The following DENND2A variants were observed in gnomAD, a reference collection of about 807,000 sequenced individuals.
The protein encoded by DENND2A is DENN domain-containing protein 2A.
Under a neutral mutation model 105.3 loss-of-function variants are expected in DENND2A, and 53 were observed. The observed-to-expected ratio is 0.50, with a 90% CI of 0.40 to 0.63. The LOEUF is 0.63. Among genes scored for constraint, DENND2A ranks in the 30% least tolerant of loss-of-function variants. The probability of loss-of-function intolerance (pLI) is 0.00; values close to 1 mark genes in which losing one functional copy is unlikely to be tolerated. For missense variants in DENND2A, 1,138 were observed against 1,279.6 expected (o/e 0.89, Z 1.69); for synonymous variants, 522 against 508.4 (o/e 1.03, Z -0.36).
chr7:140,570,401 CCAAAA>C (rs1247127826), intron 6 of DENND2A, among the ~76,000 whole-genome samples: 3 of 152,098 alleles, frequency 2.0e-5, no homozygotes, highest in East Asian at 1.9e-4. Context: ...GCTTTTCCTC[CCAAAA>C]CAAAACAAGA....
rs1367635593 is a variant in DENND2A, at chr7:140,559,775, GT to G, written c.1821del (p.Gln607HisfsTer2). The G allele has an allele frequency of 6.2e-7, 1 of 1,614,178 alleles. No homozygotes were observed. Among genetic ancestry groups the G allele is most frequent in the Non-Finnish European group, 8.5e-7 (1 of 1,180,028 alleles). On this transcript the variant is annotated frameshift_variant, in exon 10 of 20. Coordinates refer to ENST00000496613, the MANE Select transcript of DENND2A (RefSeq NM_015689.5). LOFTEE classifies it high-confidence loss of function. The surrounding 1 kb of genome is among the most constrained non-coding windows in gnomAD (Gnocchi z 4.1). ...SFKFMREAEDQLKAIPQFCFP... is the reference protein window; with the variant it reads ...SFKFMREAEDXLKAIPQFCFP... ...AAACAGAACTGGGGAATGGCCTTCA[GT>G]TGGTCCTCAGCTTCTCTCATGAACT...
At chr7:140,537,836 C>T (rs563445809) in intron 14 of DENND2A, among the ~76,000 whole-genome samples, 12 of 152,284 alleles carry the variant, frequency 7.9e-5, no homozygotes, top group Admixed American at 7.2e-4. Flanking sequence ...TATTTGTTTA[C>T]GTGCAGCTCT....
At chr7:140,536,509 A>G (rs904010291) in intron 14 of DENND2A, among the ~76,000 whole-genome samples, 1 of 152,190 alleles carries the variant, frequency 6.6e-6, no homozygotes, top group African/African-American at 2.4e-5. Flanking sequence ...TTCCAGCCCC[A>G]GGATATGTCA....
intron 14 of DENND2A, among the ~76,000 whole-genome samples, chr7:140,541,781 C>T (rs1209310626): frequency 1.3e-5 from 2 of 152,140 alleles, no homozygotes; most frequent in African/African-American, 2.4e-5. Context: ...AGTACGATCA[C>T]GCTGACATTT....
chr7:140,626,116 G>C (rs1366673126), intron 1 of DENND2A, among the ~76,000 whole-genome samples: 1 of 152,240 alleles, frequency 6.6e-6, no homozygotes, highest in Non-Finnish European at 1.5e-5. Flanking sequence ...CCAGGGTCCA[G>C]GTGCCTAACG....
chr7:140,605,395 A>G (rs554208808), intron 2 of DENND2A, among the ~76,000 whole-genome samples: 2 of 152,234 alleles, frequency 1.3e-5, no homozygotes, highest in Non-Finnish European at 2.9e-5. Flanking sequence ...GGGCTCAAAC[A>G]TAAGTAAAAT....
In DENND2A at chr7:140,525,849, G is replaced by A. The variant is rs75270012; in HGVS notation, c.2506-57C>T. 4.3e-4 allele frequency: 625 copies of A among 1,464,366 alleles called. 2 individuals are homozygous for A. In the African/African-American group the frequency reaches 8.1e-3, roughly 19 times the overall value. The allele number at this position is 1,464,366 out of a possible 1,614,324, so 90.7% of individuals were successfully genotyped here. On this transcript the variant is annotated intron_variant, in intron 15 of 19. Coordinates refer to ENST00000496613, the MANE Select transcript of DENND2A (RefSeq NM_015689.5). ...TCACCAGGGCTTCTGGGATAGGGAT[G>A]GACTCATAGCCTTCTTCCTTCTTGG...
At chr7:140,578,074 TA>T (rs1344878808) in intron 5 of DENND2A, among the ~76,000 whole-genome samples, 4 of 152,134 alleles carry the variant, frequency 2.6e-5, no homozygotes, top group Admixed American at 1.3e-4. Flanking sequence ...CAGACACCCC[TA>T]ATTGTATAGA....
chr7:140,641,088 A>C (rs1801188448), upstream of DENND2A, among the ~76,000 whole-genome samples: 1 of 151,960 alleles, frequency 6.6e-6, no homozygotes, highest in Non-Finnish European at 1.5e-5. Flanking sequence ...CCTGAGGCTT[A>C]GACCTGGACG....
At chr7:140,586,518 C>T (rs1012417190) in intron 4 of DENND2A, among the ~76,000 whole-genome samples, 7 of 151,514 alleles carry the variant, frequency 4.6e-5, no homozygotes, top group African/African-American at 1.5e-4. Context: ...GAGACTGTGC[C>T]GTTGAACTCC....
At chr7:140,631,973 T>G (rs1182890502) in intron 1 of DENND2A, among the ~76,000 whole-genome samples, 1 of 152,116 alleles carries the variant, frequency 6.6e-6, no homozygotes, top group Admixed American at 6.5e-5. Context: ...TGTCTTAGGC[T>G]GTCCTGTCAT....
chr7:140,558,328 G>C, intron 10 of DENND2A, 116 bp from the exon 11 acceptor site: 1 of 718,904 alleles, frequency 1.4e-6, no homozygotes, highest in Non-Finnish European at 2.4e-6. Context: ...GGAGGCTGTA[G>C]GAAAGGCCAC....
intron 14 of DENND2A, among the ~76,000 whole-genome samples, chr7:140,542,855 C>T (rs573733648): frequency 2.0e-5 from 3 of 152,166 alleles, no homozygotes; most frequent in East Asian, 3.9e-4. Flanking sequence ...CATGAGCCAC[C>T]GCGCCTGGCC....
intron 6 of DENND2A, among the ~76,000 whole-genome samples, chr7:140,572,035 G>A (rs940092123): frequency 9.2e-5 from 14 of 151,396 alleles, no homozygotes; most frequent in African/African-American, 3.2e-4. Flanking sequence ...GCAGCATCTC[G>A]CTCTGTCACT....
At chr7:140,519,603 G>A (rs908788988) in intron 19 of DENND2A, 29 bp downstream of exon 19, 2 of 1,603,826 alleles carry the variant, frequency 1.2e-6, no homozygotes, top group African/African-American at 2.7e-5. Context: ...GAGGCACACA[G>A]GCTGGGCACC....
At chr7:140,607,906 C>T (rs1799751678) in intron 1 of DENND2A, among the ~76,000 whole-genome samples, 2 of 152,112 alleles carry the variant, frequency 1.3e-5, no homozygotes, top group Non-Finnish European at 2.9e-5. Flanking sequence ...CAGGATGCAC[C>T]GAAGGACTCA....
At chr7:140,555,551 G>A (rs1797326331) in intron 12 of DENND2A, 85 bp downstream of exon 12, 1 of 1,143,138 alleles carries the variant, frequency 8.7e-7, no homozygotes, top group Non-Finnish European at 1.3e-6. Flanking sequence ...ATGATAGAAG[G>A]CCCAGGACAT....
At chr7:140,550,122 AGGGGATAGGGGT>A (rs1476749531) in intron 12 of DENND2A, among the ~76,000 whole-genome samples, 13 of 8,006 alleles carry the variant, frequency 1.6e-3, no homozygotes, top group Non-Finnish European at 2.3e-3. Context: ...GGGTTAGGGG[AGGGGATAGGGGT>A]GGGGTTAGGG....
intron 5 of DENND2A, among the ~76,000 whole-genome samples, chr7:140,585,098 T>A (rs1466885943): frequency 2.6e-5 from 4 of 152,116 alleles, no homozygotes; most frequent in Admixed American, 2.6e-4. Flanking sequence ...CTTAGAAGGC[T>A]GAGGTGGGAG....
Sources: allele counts gnomAD v4.1 joint callset (sites outside exome capture counted in the v4.1 genomes callset), GRCh38; gene constraint gnomAD v4.1.1; non-coding constraint Gnocchi (gnomAD v3.1); transcripts MANE v1.5; gene names NCBI Gene and HGNC (gene_info 2026-07-23, HGNC 2026-07-21).